The following TOPAZ1 variants were observed in gnomAD, a reference collection of about 807,000 sequenced individuals.
The protein encoded by TOPAZ1 is testis and ovary specific TOPAZ 1.
A neutral mutation model predicts 172.2 loss-of-function variants in TOPAZ1; 66 were observed. The ratio of observed to expected loss-of-function variants is 0.38; its 90% CI spans 0.31 to 0.47. The LOEUF (loss-of-function observed/expected upper bound fraction) is 0.47. Ranked by LOEUF, TOPAZ1 falls within the 20% of genes least tolerant of loss-of-function variation. The pLI is 0.99. For missense variants in TOPAZ1, 1,822 were observed against 1,972.4 expected, an observed-to-expected ratio of 0.92 and a Z score of 1.44; for synonymous variants, 681 against 683.9, an observed-to-expected ratio of 1.00 and a Z score of 0.07.
At chr3:44,326,101 T>C (rs937146088) in intron 18 of TOPAZ1, among the ~76,000 whole-genome samples, 1 of 152,256 alleles carries the variant, frequency 6.6e-6, no homozygotes, top group African/African-American at 2.4e-5. Context: ...TTTTTGGCTA[T>C]TGTGAATAGT....
At chr3:44,299,546 A>T (rs1222281643) in intron 12 of TOPAZ1, among the ~76,000 whole-genome samples, 1 of 152,036 alleles carries the variant, frequency 6.6e-6, no homozygotes, top group African/African-American at 2.4e-5. Context: ...CAGTGTGGCG[A>T]TTCCTCAGGG....
rs1278270831 is a variant in TOPAZ1 at position 44,248,511 on chromosome 3, G to A, written c.2765+3240G>A. Among the ~76,000 whole-genome samples, 5 of 152,160 alleles carry A rather than the reference G, an allele frequency of 3.3e-5. No individual in the cohort carries two copies. The East Asian group carries it at 7.7e-4, about 23-fold the overall frequency. On this transcript the variant is annotated intron_variant, in intron 2 of 19. Coordinates refer to ENST00000309765, the MANE Select transcript of TOPAZ1 (RefSeq NM_001145030.2). ...GTTCTGCACTGGAAATACTAGTTTT[G>A]TAGTCATCCACAGTGCTAGGATAAA...
At chr3:44,267,895 G>T (rs1367635783) in intron 6 of TOPAZ1, among the ~76,000 whole-genome samples, 3 of 152,110 alleles carry the variant, frequency 2.0e-5, no homozygotes, top group African/African-American at 7.2e-5. Flanking sequence ...GCAAGCCCAT[G>T]ATGGTCATGT....
At chr3:44,268,919 G>A (rs1480288066) in intron 6 of TOPAZ1, among the ~76,000 whole-genome samples, 3 of 152,124 alleles carry the variant, frequency 2.0e-5, no homozygotes, top group African/African-American at 7.2e-5. Flanking sequence ...ATTTAACTTA[G>A]AGACATATCA....
intron 5 of TOPAZ1, 101 bp from the exon 6 acceptor site, chr3:44,266,893 AAAT>A (rs1699835880): frequency 2.2e-6 from 2 of 898,004 alleles, no homozygotes; most frequent in East Asian, 6.0e-5. Flanking sequence ...AAAAAAATAA[AAAT>A]AAAAAATTTT....
At position 44,320,931 on chromosome 3, in the gene TOPAZ1, GTT is replaced by G; in HGVS notation, c.4307-94_4307-93del. 3.6e-6 allele frequency: 3 copies of G among 826,818 alleles called. No homozygotes were observed. In the South Asian group the frequency reaches 5.6e-5, roughly 15 times the overall value. The allele number at this position is 826,818 out of a possible 1,614,324, so 51.2% of individuals were successfully genotyped here. On this transcript the variant is annotated intron_variant, in intron 16 of 19. Transcript: ENST00000309765. ...GAGTACATATGTTTAAGTTTTGCCT[GTT>G]TCTTCAAAAGATATATTGAAACATT...
chr3:44,290,774 G>C lies in TOPAZ1; in HGVS notation c.3685G>C (p.Val1229Leu), dbSNP rs1559539008. The change falls in exon 12 of 20, where the codon GTT becomes CTT. Residue 1229 changes from valine (V) to leucine (L), a missense_variant. Physicochemically the swap from Val to Leu is conservative, Grantham distance 32. This residue lies in a region of TOPAZ1 where 1,489 missense variants were observed against 1,490.8 expected (regional missense o/e 1.00). Transcript: ENST00000309765. ...CTCTTTCTTTTCTCTTCTACAGCTT[G>C]TTGAAGCCGGGATGGTGCTTGACCC... The part of the protein sequence containing the change: ...PALIDIFCKL[V>L]EAGMVLDPEH... 6.5e-7 allele frequency: 1 copy of C among 1,541,700 alleles called. No homozygotes were observed.
downstream of TOPAZ1, among the ~76,000 whole-genome samples, chr3:44,336,677 G>A (rs1425138086): frequency 6.6e-6 from 1 of 152,214 alleles, no homozygotes; most frequent in Non-Finnish European, 1.5e-5. Context: ...GACTGTGGCT[G>A]TCATAGCCTA....
Position 44,242,046 on chromosome 3 carries a change from C to G in TOPAZ1, c.-8C>G. On this transcript the variant is annotated 5_prime_UTR_variant, in exon 1 of 20. Transcript: ENST00000309765. ...CAGAGGGGCCCCAGCGGGCCGGCCC[C>G]GGGGCACATGCGACGACCTCCACCC... 1.3e-6 allele frequency: 2 copies of G among 1,541,570 alleles called. No homozygotes were observed. The highest frequency in any genetic ancestry group is 1.7e-6 in the Non-Finnish European group (2 of 1,145,762).
intron 16 of TOPAZ1, among the ~76,000 whole-genome samples, chr3:44,310,431 G>A (rs201630245): frequency 2.0e-5 from 3 of 152,022 alleles, no homozygotes; most frequent in Non-Finnish European, 2.9e-5. Flanking sequence ...CCCGGGAGGC[G>A]GAGGTTGCAG....
Position 44,241,984 on chromosome 3 carries a change from C to A in TOPAZ1, c.-70C>A, listed in dbSNP as rs1328661448. The A allele has an allele frequency of 4.3e-6, 6 of 1,403,324 alleles. No individual in the cohort carries two copies. Among genetic ancestry groups the A allele is most frequent in the Non-Finnish European group, 5.8e-6 (6 of 1,037,408 alleles). 86.9% of individuals were successfully genotyped at this position (1,403,324 alleles called of 1,614,324 possible). On this transcript the variant is annotated 5_prime_UTR_variant, in exon 1 of 20. Coordinates refer to ENST00000309765, the MANE Select transcript of TOPAZ1 (RefSeq NM_001145030.2). ...GGCAGTAGGTACCTCCAGGCGGGAGCAGCGTTTGCACCGCGGTGGGTTCCT... is the reference window on the plus strand; with the variant it reads ...GGCAGTAGGTACCTCCAGGCGGGAGAAGCGTTTGCACCGCGGTGGGTTCCT...
intron 8 of TOPAZ1, among the ~76,000 whole-genome samples, chr3:44,271,460 A>G (rs539138021): frequency 6.6e-6 from 1 of 152,244 alleles, no homozygotes; most frequent in East Asian, 1.9e-4. Flanking sequence ...TTTTCCCTAT[A>G]TTCTATGGGA....
At chr3:44,247,108 G>GA (rs1437167315) in intron 2 of TOPAZ1, among the ~76,000 whole-genome samples, 1 of 152,092 alleles carries the variant, frequency 6.6e-6, no homozygotes, top group East Asian at 1.9e-4. Flanking sequence ...TGTTGGGGGG[G>GA]AAATCCACCA....
chr3:44,318,095 C>T (rs1700469750), intron 16 of TOPAZ1, among the ~76,000 whole-genome samples: 1 of 152,084 alleles, frequency 6.6e-6, no homozygotes, highest in East Asian at 1.9e-4. Context: ...GGGCCTGTGG[C>T]CCGGGGTGAT....
At chr3:44,279,067 T>C (rs1438963455) in intron 8 of TOPAZ1, among the ~76,000 whole-genome samples, 1 of 152,196 alleles carries the variant, frequency 6.6e-6, no homozygotes, top group Non-Finnish European at 1.5e-5. Flanking sequence ...CATTTTCTTC[T>C]TAATTTCTTT....
rs1325612566 is a variant in TOPAZ1, at chr3:44,287,488, T to G, written c.3536T>G (p.Leu1179Trp). The change falls in exon 10 of 20, where the codon TTG becomes TGG. Residue 1179 changes from leucine to tryptophan, a missense_variant. This residue lies in a region of TOPAZ1 where 1,489 missense variants were observed against 1,490.8 expected (regional missense o/e 1.00). Transcript: ENST00000309765. ...DLLNSLLKHC[L>W]LKEVFQIVNL... is the part of the protein sequence containing the mutation. ...CTAAATTCTTTACTCAAACATTGTTTGTTGAAAGAAGTATTTCAGATAGTG... is the reference window on the plus strand; with the variant it reads ...CTAAATTCTTTACTCAAACATTGTTGGTTGAAAGAAGTATTTCAGATAGTG... 10 of 1,529,874 alleles carry G rather than the reference T, an allele frequency of 6.5e-6. No individual in the cohort carries two copies. The allele number at this position is 1,529,874 out of a possible 1,614,324, so 94.8% of individuals were successfully genotyped here.
intron 16 of TOPAZ1, among the ~76,000 whole-genome samples, chr3:44,313,635 GC>G (rs1202762124): frequency 7.2e-6 from 1 of 138,642 alleles, no homozygotes; most frequent in African/African-American, 2.7e-5. Flanking sequence ...AAAAAAAAAA[GC>G]CCCCCACTTT....
rs749638845 is a variant in TOPAZ1 at position 44,290,802 on chromosome 3, A to G, written c.3713A>G (p.Glu1238Gly). Reference protein sequence around the residue: ...LVEAGMVLDPEHFNYIVKLLY... With the variant: ...LVEAGMVLDPGHFNYIVKLLY... ...GAAGCCGGGATGGTGCTTGACCCAG[A>G]GCACTTTAACTATATTGTTAAGCTT... is the stretch of plus-strand genomic sequence containing the variant. The change falls in exon 12 of 20, where the codon GAG (glutamate) becomes GGG (glycine). Residue 1238 changes from glutamate (E) to glycine (G), a missense_variant. By Grantham distance (98) the Glu-to-Gly change is moderately conservative. Transcript: ENST00000309765. 176 of 1,550,022 alleles carry G rather than the reference A, an allele frequency of 1.1e-4. 1 individual carries two copies. The South Asian group carries it at 1.9e-3, about 17-fold the overall frequency.
chr3:44,266,895 AT>A (rs1699835941), intron 5 of TOPAZ1, 101 bp from the exon 6 acceptor site: 16 of 914,724 alleles, frequency 1.7e-5, no homozygotes, highest in Non-Finnish European at 2.4e-5. Flanking sequence ...AAAAATAAAA[AT>A]AAAAAATTTT....
Sources: allele counts gnomAD v4.1 joint callset (sites outside exome capture counted in the v4.1 genomes callset), GRCh38; gene constraint gnomAD v4.1.1; regional missense constraint gnomAD v4.1.1; transcripts MANE v1.5; gene names NCBI Gene and HGNC (gene_info 2026-07-23, HGNC 2026-07-21).